Variants in NAPA observed in about 807,000 individuals in gnomAD.
NAPA encodes alpha-soluble NSF attachment protein.
In NAPA, 18 loss-of-function variants were observed where a neutral mutation model predicts 48.0. The observed-to-expected ratio is 0.38, with a 90% CI of 0.26 to 0.56. NAPA has a LOEUF of 0.56. Ranked by LOEUF, NAPA falls within the 20% of genes least tolerant of loss-of-function variation. The pLI, the probability that NAPA is intolerant of heterozygous loss-of-function variation, is 0.77. For synonymous variants in NAPA, 152 were observed against 149.9 expected, an observed-to-expected ratio of 1.01 and a Z score of -0.10; for missense variants, 315 against 385.0, an observed-to-expected ratio of 0.82 and a Z score of 1.52.
chr19:47,515,021 T>C lies in NAPA; in HGVS notation c.-81A>G, dbSNP rs1480755125. The C allele has an allele frequency of 8.7e-6, 12 of 1,380,076 alleles. No individual in the cohort carries two copies. In the South Asian group the frequency reaches 1.4e-4, roughly 16 times the overall value. 85.5% of individuals were successfully genotyped at this position (1,380,076 alleles called of 1,614,324 possible). On this transcript the variant is annotated 5_prime_UTR_variant, in exon 1 of 11. Coordinates refer to ENST00000263354, the MANE Select transcript of NAPA (RefSeq NM_003827.4). ...CCGCGGCCGGGCCGCGGAACACAGA[T>C]CGGTAAAACTCGCCCGGCTGCGTTG... is the stretch of plus-strand genomic sequence containing the variant.
At position 47,493,206 on chromosome 19, in the gene NAPA, A is replaced by G; in HGVS notation, c.421-32T>C. ...AGACACGGGGGATGGGTTCCAGGGG[A>G]GGGCAGGGAAGGGAGAGGAGGCCTC... On this transcript the variant is annotated intron_variant, in intron 5 of 10. Transcript: ENST00000263354. This position sits in a 1 kb window ranked among gnomAD's most constrained non-coding sequence, Gnocchi z 6.4. 6.4e-7 allele frequency: 1 copy of G among 1,560,318 alleles called. No homozygotes were observed. The highest frequency in any genetic ancestry group is 2.3e-5 in the East Asian group (1 of 44,360).
chr19:47,486,003 T>C (rs1968064194), downstream of NAPA, among the ~76,000 whole-genome samples: 1 of 152,154 alleles, frequency 6.6e-6, no homozygotes, highest in Admixed American at 6.5e-5. Context: ...GGAATCATCC[T>C]GTTAAGAGGT....
At chr19:47,514,745 T>A (rs1330340384) in intron 1 of NAPA, 98 bp downstream of exon 1, 7 of 1,188,140 alleles carry the variant, frequency 5.9e-6, no homozygotes, top group Non-Finnish European at 7.3e-6. Flanking sequence ...CTCCGTCCCC[T>A]CGGCCCGAGC....
chr19:47,505,682 G>A (rs1391337480), intron 1 of NAPA: 2 of 152,230 alleles, frequency 1.3e-5, no homozygotes, highest in East Asian at 1.9e-4. Context: ...GGCCAGGCCT[G>A]GCAATGTCAG....
Position 47,492,958 on chromosome 19 carries a change from C to T in NAPA, c.561+3G>A, listed in dbSNP as rs371350780. ...GGAAGCCGCCATCCCCACCTGTCCC[C>T]ACCTGTTCGTAGATGTCAATGGCCT... On this transcript the variant is annotated splice_donor_region_variant and intron_variant, in intron 7 of 10. Coordinates refer to ENST00000263354, the MANE Select transcript of NAPA (RefSeq NM_003827.4). 6.2e-7 allele frequency: 1 copy of T among 1,613,996 alleles called. No homozygotes were observed. The highest frequency in any genetic ancestry group is 8.5e-7 in the Non-Finnish European group (1 of 1,179,998).
At position 47,490,820 on chromosome 19, in the gene NAPA, A is replaced by G. The variant is rs375132890; in HGVS notation, c.703T>C (p.Phe235Leu). Reference protein sequence around the residue: ...VQKYEELFPAFSDSRECKLMK... With the variant: ...VQKYEELFPALSDSRECKLMK... ...AACTTGCATTCCCGGGAATCAGAGA[A>G]AGCTGGGAACAGCTCCTCATACTTT... is the stretch of plus-strand genomic sequence containing the variant. Residue 235 changes from phenylalanine to leucine, a missense_variant, in exon 9 of 11, where the codon TTC (phenylalanine) becomes CTC (leucine). Phe to Leu is a conservative substitution (Grantham distance 22, BLOSUM62 0). Coordinates refer to ENST00000263354, the MANE Select transcript of NAPA (RefSeq NM_003827.4). 1.9e-4 allele frequency: 308 copies of G among 1,613,826 alleles called. No individual in the cohort carries two copies. The highest frequency in any genetic ancestry group is 2.4e-4 in the Non-Finnish European group (286 of 1,179,848).
At chr19:47,484,706 A>ATTTT (rs35425298), downstream of NAPA, among the ~76,000 whole-genome samples, 1 of 129,172 alleles carries the variant, frequency 7.7e-6, no homozygotes. Context: ...ACAGTTCACT[A>ATTTT]TTTTTTTTTT....
intron 1 of NAPA, among the ~76,000 whole-genome samples, chr19:47,508,643 C>T (rs538241772): frequency 2.6e-5 from 4 of 151,068 alleles, no homozygotes; most frequent in African/African-American, 9.7e-5. Flanking sequence ...GCTAAGTGTT[C>T]GACCTGGGGC....
intron 1 of NAPA, among the ~76,000 whole-genome samples, chr19:47,504,919 C>T (rs1968664769): frequency 6.6e-6 from 1 of 152,166 alleles, no homozygotes; most frequent in South Asian, 2.1e-4. Context: ...AGTAGGGATA[C>T]ACTGGGAGAT....
chr19:47,485,808 G>A (rs567892077), downstream of NAPA, among the ~76,000 whole-genome samples: 7 of 152,308 alleles, frequency 4.6e-5, no homozygotes, highest in Admixed American at 6.5e-5. Context: ...TGGGAATGCC[G>A]TCAGTGCTGC....
At chr19:47,510,931 C>T (rs1004677168) in intron 1 of NAPA, among the ~76,000 whole-genome samples, 6 of 152,214 alleles carry the variant, frequency 3.9e-5, no homozygotes, top group Non-Finnish European at 5.9e-5. Flanking sequence ...GGTGCTGTCG[C>T]CTTCAGTGGC....
intron 3 of NAPA, among the ~76,000 whole-genome samples, chr19:47,500,304 A>C (rs1244463026): frequency 1.3e-5 from 2 of 152,176 alleles, no homozygotes; most frequent in East Asian, 3.9e-4. Context: ...ACAACAGAAC[A>C]GATTTTCCTC....
At chr19:47,498,049 GCCA>G (rs1968475826) in intron 3 of NAPA, among the ~76,000 whole-genome samples, 2 of 152,208 alleles carry the variant, frequency 1.3e-5, no homozygotes, top group Non-Finnish European at 2.9e-5. Context: ...CCCACCCAGA[GCCA>G]CCAAGGTGGC....
At chr19:47,504,480 G>A (rs1294386604) in intron 1 of NAPA, among the ~76,000 whole-genome samples, 1 of 151,808 alleles carries the variant, frequency 6.6e-6, no homozygotes, top group African/African-American at 2.4e-5. Flanking sequence ...GATATTTCTG[G>A]GCAAATACAC....
chr19:47,496,694 G>C (rs1465273414), intron 3 of NAPA: 1 of 303,156 alleles, frequency 3.3e-6, no homozygotes, highest in Non-Finnish European at 6.7e-6. Context: ...CGCCGGGGCT[G>C]GGCTCCTCTC....
At chr19:47,495,698 G>T in intron 3 of NAPA, 102 bp from the exon 4 acceptor site, 1 of 1,075,158 alleles carries the variant, frequency 9.3e-7, no homozygotes. Context: ...TGCCAGCAGA[G>T]AGATCAATAG....
chr19:47,493,243 C>T lies in NAPA; in HGVS notation c.421-69G>A, dbSNP rs984047017. ...GGAGAGGAGGCCTCCGTGAAGCTTC[C>T]ACACCCTCCGCCCTGCCTGCCTGGG... On this transcript the variant is annotated intron_variant, in intron 5 of 10. Transcript: ENST00000263354. The surrounding 1 kb of genome is among the most constrained non-coding windows in gnomAD (Gnocchi z 6.4). The T allele has an allele frequency of 5.9e-6, 9 of 1,524,094 alleles. No individual in the cohort carries two copies. In the Admixed American group the frequency reaches 1.4e-4, roughly 24 times the overall value. 94.4% of individuals were successfully genotyped at this position (1,524,094 alleles called of 1,614,324 possible).
chr19:47,512,325 G>A (rs1331650932), intron 1 of NAPA, among the ~76,000 whole-genome samples: 2 of 151,978 alleles, frequency 1.3e-5, no homozygotes, highest in Non-Finnish European at 1.5e-5. Context: ...ATTCCTTGGG[G>A]CCCAGCTCAC....
chr19:47,500,409 C>T (rs967134071), intron 3 of NAPA, among the ~76,000 whole-genome samples: 3 of 152,188 alleles, frequency 2.0e-5, no homozygotes, highest in Admixed American at 1.3e-4. Flanking sequence ...ACCACCGACA[C>T]GGTAGATAGG....
Sources: gnomAD v4.1 joint callset for allele counts (sites outside exome capture counted in the v4.1 genomes callset) on GRCh38, gnomAD v4.1.1 for gene constraint, Gnocchi (gnomAD v3.1) non-coding constraint, MANE v1.5 for transcripts, NCBI Gene and HGNC (gene_info 2026-07-23, HGNC 2026-07-21) for gene names.